EPB41L2: variants seen among roughly 807,000 people sequenced by gnomAD.
The protein encoded by EPB41L2 is band 4.1-like protein 2.
EPB41L2 carries 43 observed loss-of-function variants against 113.0 expected under a neutral mutation model. That is an observed-to-expected ratio of 0.38 (90% CI 0.30 to 0.49). The LOEUF is 0.49. Ranked by LOEUF, EPB41L2 falls within the 20% of genes least tolerant of loss-of-function variation. The pLI, the probability that EPB41L2 is intolerant of heterozygous loss-of-function variation, is 0.95. For synonymous variants in EPB41L2, 442 were observed against 436.7 expected, an observed-to-expected ratio of 1.01 and a Z score of -0.15; for missense variants, 1,147 against 1,223.4, an observed-to-expected ratio of 0.94 and a Z score of 0.93.
intron 12 of EPB41L2, among the ~76,000 whole-genome samples, chr6:130,884,829 A>G (rs1365606254): frequency 6.6e-6 from 1 of 152,234 alleles, no homozygotes; most frequent in East Asian, 1.9e-4. Flanking sequence ...TTCTACTTTG[A>G]GGATTCAATT....
intron 3 of EPB41L2, 54 bp from the exon 4 acceptor site, chr6:130,926,763 T>C (rs564208152): frequency 3.2e-5 from 36 of 1,119,264 alleles, no homozygotes; most frequent in Non-Finnish European, 4.5e-5. Context: ...CCAAGACTGC[T>C]ATAAATTTAA....
chr6:130,945,492 C>G (rs1333137353), intron 3 of EPB41L2, among the ~76,000 whole-genome samples: 1 of 152,172 alleles, frequency 6.6e-6, no homozygotes, highest in Non-Finnish European at 1.5e-5. Flanking sequence ...GCCCTTGATT[C>G]TCAGACAAAA....
intron 8 of EPB41L2, 25 bp downstream of exon 8, chr6:130,899,466 C>A (rs1487895969): frequency 1.3e-6 from 2 of 1,590,176 alleles, no homozygotes; most frequent in Non-Finnish European, 1.7e-6. Context: ...TACTATGATG[C>A]TACTCCCCGT....
At chr6:130,884,970 T>C in intron 12 of EPB41L2, 126 bp downstream of exon 12, 4 of 1,088,696 alleles carry the variant, frequency 3.7e-6, no homozygotes, top group Non-Finnish European at 5.3e-6. Context: ...TTTGAAAACA[T>C]AAATGACCAG....
intron 1 of EPB41L2, among the ~76,000 whole-genome samples, chr6:130,990,274 T>C (rs1354171859): frequency 6.6e-6 from 1 of 150,708 alleles, no homozygotes; most frequent in Non-Finnish European, 1.5e-5. Flanking sequence ...TGAGCCAAGA[T>C]CACACCATTG....
At chr6:130,983,985 A>T (rs1244004449) in intron 1 of EPB41L2, among the ~76,000 whole-genome samples, 1 of 152,218 alleles carries the variant, frequency 6.6e-6, no homozygotes, top group Non-Finnish European at 1.5e-5. Flanking sequence ...ATGCAAACAT[A>T]TTGTACAGCT....
intron 14 of EPB41L2, among the ~76,000 whole-genome samples, chr6:130,874,421 C>A (rs1308923293): frequency 6.6e-6 from 1 of 151,906 alleles, no homozygotes; most frequent in East Asian, 1.9e-4. Context: ...AGAACCCCTG[C>A]AGAATTAACA....
rs371822241 is a variant in EPB41L2, at chr6:130,944,376, A to G, written c.705+10729T>C. Among the ~76,000 whole-genome samples the G allele has an allele frequency of 1.2e-4, 18 of 152,348 alleles. No individual in the cohort carries two copies. The South Asian group carries it at 3.7e-3, about 32-fold the overall frequency. On this transcript the variant is annotated intron_variant, in intron 3 of 19. Coordinates refer to ENST00000337057, the MANE Select transcript of EPB41L2 (RefSeq NM_001431.4). ...ACTTTCTATGAGAAGTATTTTAGGC[A>G]AAGTCCTCCGTTAAGACTCTATGGG... is the stretch of plus-strand genomic sequence containing the variant.
chr6:130,872,791 A>G (rs1260619673), intron 14 of EPB41L2, among the ~76,000 whole-genome samples: 1 of 152,164 alleles, frequency 6.6e-6, no homozygotes, highest in Non-Finnish European at 1.5e-5. Flanking sequence ...TTGGCTGATC[A>G]CCAACTGAGC....
intron 19 of EPB41L2, among the ~76,000 whole-genome samples, chr6:130,854,687 G>A (rs1779704755): frequency 1.3e-5 from 2 of 152,232 alleles, no homozygotes; most frequent in East Asian, 1.9e-4. Flanking sequence ...ATTACCTTAT[G>A]TTTGTATAAC....
At chr6:130,841,909 G>T (rs886319766) in intron 19 of EPB41L2, among the ~76,000 whole-genome samples, 4 of 152,274 alleles carry the variant, frequency 2.6e-5, no homozygotes, top group South Asian at 4.1e-4. Context: ...AAGTGGAGAA[G>T]ACTTTTTAAA....
At chr6:131,061,222 G>A (rs1368760876) in intron 1 of EPB41L2, among the ~76,000 whole-genome samples, 2 of 152,136 alleles carry the variant, frequency 1.3e-5, no homozygotes, top group Non-Finnish European at 2.9e-5. Context: ...CTTGTTCTCG[G>A]CAGTCTGTCT....
chr6:131,042,670 GA>G (rs142844139), intron 1 of EPB41L2, among the ~76,000 whole-genome samples: 22 of 151,898 alleles, frequency 1.4e-4, no homozygotes, highest in Admixed American at 1.0e-3. Context: ...AGAAGAGGGG[GA>G]AAAAAAGAGT....
At chr6:131,028,942 T>C (rs925040222) in intron 1 of EPB41L2, among the ~76,000 whole-genome samples, 2 of 152,180 alleles carry the variant, frequency 1.3e-5, no homozygotes, top group African/African-American at 2.4e-5. Flanking sequence ...TGTTGCATTT[T>C]TGAATAGCCA....
intron 12 of EPB41L2, among the ~76,000 whole-genome samples, chr6:130,883,828 C>T (rs1389861816): frequency 6.6e-5 from 10 of 152,112 alleles, no homozygotes; most frequent in Admixed American, 3.3e-4. Context: ...AATTCTTTAA[C>T]GATGGAATGT....
At chr6:130,892,160 T>C (rs1168100003) in intron 10 of EPB41L2, among the ~76,000 whole-genome samples, 1 of 152,066 alleles carries the variant, frequency 6.6e-6, no homozygotes, top group Non-Finnish European at 1.5e-5. Context: ...AAACTCCTGC[T>C]ACAAGAATAC....
In EPB41L2 at chr6:130,865,617, A is replaced by T; in HGVS notation, c.2748T>A (p.Gly916=). 6.2e-7 allele frequency: 1 copy of T among 1,613,966 alleles called. No homozygotes were observed. Among genetic ancestry groups the T allele is most frequent in the Non-Finnish European group, 8.5e-7 (1 of 1,179,940 alleles). Residue 916 remains glycine (G), a synonymous_variant, in exon 17 of 20, where the codon GGT becomes GGA. Transcript: ENST00000337057. ...CGGTCAGTAACGTGCCCGAATCACC[A>T]CCAGCCCCGCCATCAATCTTTGGAT... ...YESPQIDGGA[G]GDSGTLLTAQ...
chr6:130,879,898 C>T (rs1788722434), intron 13 of EPB41L2, among the ~76,000 whole-genome samples: 1 of 152,142 alleles, frequency 6.6e-6, no homozygotes, highest in Non-Finnish European at 1.5e-5. Flanking sequence ...TGGATAAAAA[C>T]TTGATTCATT....
At chr6:130,953,720 T>C (rs1816115191) in intron 3 of EPB41L2, among the ~76,000 whole-genome samples, 1 of 151,930 alleles carries the variant, frequency 6.6e-6, no homozygotes, top group African/African-American at 2.4e-5. Context: ...TCACTCTGCC[T>C]TCATGACTGG....
Sources: gnomAD v4.1 joint callset for allele counts (sites outside exome capture counted in the v4.1 genomes callset) on GRCh38, gnomAD v4.1.1 for gene constraint, MANE v1.5 for transcripts, NCBI Gene and HGNC (gene_info 2026-07-23, HGNC 2026-07-21) for gene names.